Variants in STIM2 observed in about 807,000 individuals in gnomAD.
STIM2 encodes stromal interaction molecule 2.
Under a neutral mutation model 85.8 loss-of-function variants are expected in STIM2, and 31 were observed. The observed-to-expected ratio is 0.36, with a 90% CI of 0.27 to 0.49. The LOEUF (loss-of-function observed/expected upper bound fraction) is 0.49, where lower values mean the gene tolerates loss of function less well. STIM2 is among the 20% of genes least tolerant of loss of function. The pLI is 0.98. For synonymous variants in STIM2, 356 were observed against 331.1 expected (o/e 1.08, Z -0.82); for missense variants, 841 against 927.6 (o/e 0.91, Z 1.21).
At chr4:26,909,947 A>C (rs1724270117) in intron 1 of STIM2, among the ~76,000 whole-genome samples, 1 of 152,192 alleles carries the variant, frequency 6.6e-6, no homozygotes, top group South Asian at 2.1e-4. Context: ...CTTTGGTTTC[A>C]CTTGTATAAG....
intron 1 of STIM2, among the ~76,000 whole-genome samples, chr4:26,875,191 T>G (rs533251093): frequency 2.0e-5 from 3 of 152,310 alleles, no homozygotes; most frequent in African/African-American, 7.2e-5. Flanking sequence ...GACCTAAAAT[T>G]AGAACTCAGA....
chr4:26,989,780 T>C (rs1375331562), intron 3 of STIM2, among the ~76,000 whole-genome samples: 1 of 152,046 alleles, frequency 6.6e-6, no homozygotes, highest in Non-Finnish European at 1.5e-5. Flanking sequence ...GGATACAAAA[T>C]CAACCTACAA....
At chr4:26,896,315 T>G (rs978540097) in intron 1 of STIM2, among the ~76,000 whole-genome samples, 1 of 152,238 alleles carries the variant, frequency 6.6e-6, no homozygotes, top group African/African-American at 2.4e-5. Flanking sequence ...GTCAATTGAT[T>G]AGGGCTCTGA....
chr4:26,956,847 G>A (rs1726263212), intron 2 of STIM2, among the ~76,000 whole-genome samples: 1 of 152,068 alleles, frequency 6.6e-6, no homozygotes, highest in South Asian at 2.1e-4. Context: ...TGGAATTTCA[G>A]CTCGATATTC....
intron 3 of STIM2, among the ~76,000 whole-genome samples, chr4:26,990,562 T>A (rs1223669093): frequency 6.6e-6 from 1 of 152,038 alleles, no homozygotes; most frequent in African/African-American, 2.4e-5. Context: ...CTGAAAAGCA[T>A]AGGCAACAAA....
intron 3 of STIM2, among the ~76,000 whole-genome samples, chr4:26,982,289 T>G (rs1458794898): frequency 6.6e-6 from 1 of 152,226 alleles, no homozygotes; most frequent in African/African-American, 2.4e-5. Flanking sequence ...ATTGATCTTC[T>G]GCATTTATTC....
Position 26,891,594 on chromosome 4 carries a change from C to T in STIM2, c.152-27910C>T, listed in dbSNP as rs1260914066. On this transcript the variant is annotated intron_variant, in intron 1 of 11. Coordinates refer to ENST00000467087, the MANE Select transcript of STIM2 (RefSeq NM_020860.4). Reference sequence around the variant, plus strand: ...ACACACACACACACACACACACACACACACCCCCTTTTGGTTATTGGTTCT... The same window carrying T: ...ACACACACACACACACACACACACATACACCCCCTTTTGGTTATTGGTTCT... Among the ~76,000 whole-genome samples the T allele has an allele frequency of 5.5e-5, 8 of 146,286 alleles. No individual in the cohort carries two copies. In the East Asian group the frequency reaches 1.6e-3, roughly 29 times the overall value.
intron 2 of STIM2, among the ~76,000 whole-genome samples, chr4:26,928,193 C>T (rs542488134): frequency 6.6e-6 from 1 of 152,214 alleles, no homozygotes; most frequent in South Asian, 2.1e-4. Context: ...CCTTATGGTC[C>T]TATTACCTCC....
chr4:26,910,396 C>T (rs888056362), intron 1 of STIM2, among the ~76,000 whole-genome samples: 6 of 151,992 alleles, frequency 3.9e-5, no homozygotes, highest in East Asian at 1.9e-4. Context: ...TGTTGGCGAG[C>T]GCCTGTAATT....
chr4:26,950,878 A>T (rs1261940286), intron 2 of STIM2, among the ~76,000 whole-genome samples: 5 of 152,160 alleles, frequency 3.3e-5, no homozygotes, highest in South Asian at 4.1e-4. Flanking sequence ...GAGTATGAAA[A>T]TGTACATTAG....
intron 3 of STIM2, among the ~76,000 whole-genome samples, chr4:26,990,257 C>T (rs919992754): frequency 6.6e-6 from 1 of 152,184 alleles, no homozygotes; most frequent in Admixed American, 6.5e-5. Flanking sequence ...TAAAAACAGA[C>T]ACATATACCA....
chr4:26,892,289 C>T (rs1226928230), intron 1 of STIM2, among the ~76,000 whole-genome samples: 1 of 152,192 alleles, frequency 6.6e-6, no homozygotes, highest in East Asian at 1.9e-4. Context: ...GCTCTGGAGG[C>T]TGAGAAATCC....
chr4:26,922,518 A>C (rs967568069), intron 2 of STIM2, among the ~76,000 whole-genome samples: 3 of 152,168 alleles, frequency 2.0e-5, no homozygotes, highest in Non-Finnish European at 2.9e-5. Context: ...TTTAAAGTAT[A>C]CAACTCAGGA....
intron 1 of STIM2, among the ~76,000 whole-genome samples, chr4:26,918,030 G>A (rs1724652128): frequency 6.6e-6 from 1 of 151,998 alleles, no homozygotes; most frequent in Non-Finnish European, 1.5e-5. Flanking sequence ...CCAAATATTT[G>A]TATGTACACG....
intron 10 of STIM2, among the ~76,000 whole-genome samples, chr4:27,009,270 GTTTA>G (rs1417497113): frequency 5.9e-5 from 9 of 152,072 alleles, no homozygotes; most frequent in African/African-American, 2.2e-4. Flanking sequence ...ATTATTAAGT[GTTTA>G]TTTGAGCAAC....
In STIM2 at chr4:26,925,642, G is replaced by A. The variant is rs377659728; in HGVS notation, c.282+6008G>A. Among the ~76,000 whole-genome samples the A allele has an allele frequency of 4.4e-4, 30 of 68,788 alleles. 1 individual carries two copies. Among genetic ancestry groups the A allele is most frequent in the African/African-American group, 2.7e-3 (20 of 7,318 alleles). The allele number at this position is 68,788 out of a possible 152,430, so 45.1% of individuals were successfully genotyped here. A position where few individuals can be genotyped will look rare whatever the true frequency, so the allele number is the denominator to read the frequency against. ...CAAGACAGGGATGCCCTCTCTCACC[G>A]CTCCTATTCAACATAGTGTTGGAAG... is the stretch of plus-strand genomic sequence containing the variant. On this transcript the variant is annotated intron_variant, in intron 2 of 11. Transcript: ENST00000467087.
chr4:26,922,269 A>T (rs1260862217), intron 2 of STIM2, among the ~76,000 whole-genome samples: 1 of 151,800 alleles, frequency 6.6e-6, no homozygotes, highest in Non-Finnish European at 1.5e-5. Context: ...TATAGAGGTA[A>T]TTTATTCTCT....
At chr4:26,957,392 A>G (rs777249818) in intron 2 of STIM2, among the ~76,000 whole-genome samples, 11 of 152,164 alleles carry the variant, frequency 7.2e-5, no homozygotes, top group Non-Finnish European at 1.2e-4. Context: ...AAGTACTTCT[A>G]CTGCTGTTGC....
intron 3 of STIM2, among the ~76,000 whole-genome samples, chr4:26,964,827 A>G (rs1483753288): frequency 6.6e-6 from 1 of 152,196 alleles, no homozygotes; most frequent in African/African-American, 2.4e-5. Flanking sequence ...GAGATTATGT[A>G]GAAGGCACTG....
Sources: gnomAD v4.1 joint callset for allele counts (sites outside exome capture counted in the v4.1 genomes callset) on GRCh38, gnomAD v4.1.1 for gene constraint, MANE v1.5 for transcripts, NCBI Gene and HGNC (gene_info 2026-07-23, HGNC 2026-07-21) for gene names.